IFTAP: variants seen among roughly 807,000 people sequenced by gnomAD.
IFTAP encodes intraflagellar transport associated protein.
Under a neutral mutation model 19.4 loss-of-function variants are expected in IFTAP, and 19 were observed. The ratio of observed to expected loss-of-function variants is 0.98; its 90% CI spans 0.68 to 1.44. The LOEUF is 1.44. Among genes scored for constraint, IFTAP ranks in the 40% most tolerant of loss-of-function variants. IFTAP has a pLI of 0.00. For missense variants in IFTAP, 240 were observed against 253.6 expected (o/e 0.95, Z 0.36); for synonymous variants, 85 against 83.5 (o/e 1.02, Z -0.10).
chr11:36,645,363 C>T (rs957425196), intron 4 of IFTAP, among the ~76,000 whole-genome samples: 14 of 152,192 alleles, frequency 9.2e-5, no homozygotes, highest in African/African-American at 2.2e-4. Flanking sequence ...CCAGTCTTGC[C>T]GTCCAACCTC....
chr11:36,648,681 C>A (rs566672592), intron 5 of IFTAP, among the ~76,000 whole-genome samples: 3 of 152,202 alleles, frequency 2.0e-5, no homozygotes, highest in African/African-American at 7.2e-5. Flanking sequence ...TTCTGGATGT[C>A]CATTATATTT....
intron 2 of IFTAP, among the ~76,000 whole-genome samples, chr11:36,611,827 A>T (rs1429151967): frequency 7.2e-5 from 11 of 152,070 alleles, no homozygotes; most frequent in Admixed American, 7.2e-4. Flanking sequence ...ATTATCTTTT[A>T]GTCTGTGCAC....
chr11:36,603,789 G>A (rs931094869), intron 1 of IFTAP, among the ~76,000 whole-genome samples: 2 of 152,016 alleles, frequency 1.3e-5, no homozygotes, highest in Non-Finnish European at 1.5e-5. Flanking sequence ...AGGTGTGGTG[G>A]TGTGCGCCTG....
At chr11:36,644,254 A>G (rs1410644226) in intron 4 of IFTAP, among the ~76,000 whole-genome samples, 1 of 152,208 alleles carries the variant, frequency 6.6e-6, no homozygotes, top group Non-Finnish European at 1.5e-5. Context: ...AAAAATGCTC[A>G]TCATCACTGG....
At chr11:36,622,984 C>T (rs1479419284) in intron 2 of IFTAP, among the ~76,000 whole-genome samples, 4 of 152,088 alleles carry the variant, frequency 2.6e-5, no homozygotes, top group Non-Finnish European at 5.9e-5. Context: ...AATACTATGT[C>T]TCCACACAAT....
At chr11:36,655,584 A>G (rs1006712731) in intron 5 of IFTAP, among the ~76,000 whole-genome samples, 2 of 152,222 alleles carry the variant, frequency 1.3e-5, no homozygotes, top group Non-Finnish European at 2.9e-5. Flanking sequence ...GCAGGAGGCT[A>G]TTCCTCTGAC....
At position 36,619,800 on chromosome 11, in the gene IFTAP, G is replaced by T. The variant is rs1590210563; in HGVS notation, c.136+9561G>T. On this transcript the variant is annotated intron_variant, in intron 2 of 5. Coordinates refer to ENST00000334307, the MANE Select transcript of IFTAP (RefSeq NM_138787.4). Reference sequence around the variant, plus strand: ...TATTGAGTGGTGTTTTTAGTTCACAGGCCATTTGCAGTGCCTTTCTGTTTC... The same window carrying T: ...TATTGAGTGGTGTTTTTAGTTCACATGCCATTTGCAGTGCCTTTCTGTTTC... 2.0e-5 allele frequency among the ~76,000 whole-genome samples: 3 copies of T among 151,966 alleles called. No individual in the cohort carries two copies. The East Asian group carries it at 5.8e-4, about 29-fold the overall frequency.
chr11:36,617,808 G>A (rs1852148093), intron 2 of IFTAP, among the ~76,000 whole-genome samples: 1 of 151,958 alleles, frequency 6.6e-6, no homozygotes, highest in Admixed American at 6.6e-5. Context: ...GAAAGTCATT[G>A]TAGATTAAAT....
chr11:36,616,419 C>A (rs1037249915), intron 2 of IFTAP, among the ~76,000 whole-genome samples: 1 of 151,872 alleles, frequency 6.6e-6, no homozygotes, highest in Non-Finnish European at 1.5e-5. Context: ...GTCAACTCAA[C>A]CTCCCTTTTT....
chr11:36,650,279 G>A (rs181993716), intron 5 of IFTAP, among the ~76,000 whole-genome samples: 35 of 152,116 alleles, frequency 2.3e-4, no homozygotes. Flanking sequence ...AATGTATTCT[G>A]GATGTCCTTC....
intron 1 of IFTAP, among the ~76,000 whole-genome samples, chr11:36,608,682 C>T (rs539768625): frequency 6.6e-5 from 10 of 152,232 alleles, no homozygotes; most frequent in Admixed American, 2.6e-4. Flanking sequence ...TGGCCACTAC[C>T]AGTGTGAATG....
chr11:36,643,434 T>A (rs2133493551), intron 4 of IFTAP, among the ~76,000 whole-genome samples: 1 of 152,324 alleles, frequency 6.6e-6, no homozygotes, highest in Non-Finnish European at 1.5e-5. Context: ...CAAGGTAATT[T>A]ATAGATTCAA....
intron 4 of IFTAP, among the ~76,000 whole-genome samples, chr11:36,641,251 A>G (rs867356087): frequency 2.0e-5 from 3 of 152,168 alleles, no homozygotes; most frequent in African/African-American, 4.8e-5. Flanking sequence ...TTCTATTTTT[A>G]GAAAATAGAT....
intron 5 of IFTAP, among the ~76,000 whole-genome samples, chr11:36,657,008 A>G (rs974749864): frequency 1.3e-5 from 2 of 152,156 alleles, no homozygotes; most frequent in African/African-American, 4.8e-5. Flanking sequence ...GCTTGAAGGT[A>G]GAATTTAAAG....
rs527729713 is a variant in IFTAP, at chr11:36,646,589, A to C, written c.359-1427A>C. Among the ~76,000 whole-genome samples the C allele has an allele frequency of 3.3e-5, 5 of 152,296 alleles. No homozygotes were observed. The East Asian group carries it at 9.6e-4, about 29-fold the overall frequency. On this transcript the variant is annotated intron_variant, in intron 4 of 5. Transcript: ENST00000334307. Reference sequence around the variant, plus strand: ...TGTTGGTTCTAAGTTTGAGTGTTTAATTTGATCCAGTAAAATAAAATATGT... The same window carrying C: ...TGTTGGTTCTAAGTTTGAGTGTTTACTTTGATCCAGTAAAATAAAATATGT...
chr11:36,603,340 A>G (rs1394802361), intron 1 of IFTAP, among the ~76,000 whole-genome samples: 1 of 152,330 alleles, frequency 6.6e-6, no homozygotes, highest in South Asian at 2.1e-4. Context: ...GGGGGAAAAC[A>G]ACACATCTGG....
rs114491904 is a variant in IFTAP, at chr11:36,638,601, C to A, written c.358+2484C>A. Among the ~76,000 whole-genome samples, 233 of 152,204 alleles carry A rather than the reference C, an allele frequency of 1.5e-3. 1 individual carries two copies. The highest frequency in any genetic ancestry group is 5.2e-3 in the African/African-American group (218 of 41,536). ...GTGCCAAGGCGAATTTTAGTTTGGG[C>A]CTAATTTGTTTTACACTTCAGGAAT... On this transcript the variant is annotated intron_variant, in intron 4 of 5. Transcript: ENST00000334307.
rs577287426 is a variant in IFTAP, at chr11:36,595,496, A to G, written c.-24+904A>G. Reference sequence around the variant, plus strand: ...CATAGCACAGATTTCTTGACTTTTAAGAGTTAATTCTTAATATGCTTCAAA... The same window carrying G: ...CATAGCACAGATTTCTTGACTTTTAGGAGTTAATTCTTAATATGCTTCAAA... On this transcript the variant is annotated intron_variant, in intron 1 of 5. Coordinates refer to ENST00000334307, the MANE Select transcript of IFTAP (RefSeq NM_138787.4). 2.0e-5 allele frequency among the ~76,000 whole-genome samples: 3 copies of G among 152,326 alleles called. No individual in the cohort carries two copies. In the East Asian group the frequency reaches 5.8e-4, roughly 29 times the overall value.
At chr11:36,642,809 C>A (rs1360214106) in intron 4 of IFTAP, among the ~76,000 whole-genome samples, 1 of 152,114 alleles carries the variant, frequency 6.6e-6, no homozygotes, top group African/African-American at 2.4e-5. Context: ...ATTCAACAGC[C>A]CTTCATGCTA....
Sources: allele counts gnomAD v4.1 joint callset (sites outside exome capture counted in the v4.1 genomes callset), GRCh38; gene constraint gnomAD v4.1.1; transcripts MANE v1.5; gene names NCBI Gene and HGNC (gene_info 2026-07-23, HGNC 2026-07-21).